TBC1D30: variants seen among roughly 807,000 people sequenced by gnomAD.
The protein encoded by TBC1D30 is TBC1 domain family member 30.
In TBC1D30, 31 loss-of-function variants were observed where a neutral mutation model predicts 63.2. The ratio of observed to expected loss-of-function variants is 0.49; its 90% confidence interval spans 0.37 to 0.66. TBC1D30 has a LOEUF of 0.66. Ranked by LOEUF, TBC1D30 falls within the 30% of genes least tolerant of loss-of-function variation. The pLI, the probability that TBC1D30 is intolerant of heterozygous loss-of-function variation, is 0.00. For missense variants in TBC1D30, 810 were observed against 953.6 expected, an observed-to-expected ratio of 0.85 and a Z score of 1.98; for synonymous variants, 307 against 361.5, an observed-to-expected ratio of 0.85 and a Z score of 1.71.
intron 2 of TBC1D30, among the ~76,000 whole-genome samples, chr12:64,809,244 GC>G (rs1040993338): frequency 3.5e-5 from 5 of 142,044 alleles, no homozygotes; most frequent in Admixed American, 1.4e-4. Flanking sequence ...TTTATCCTTT[GC>G]CCCCCTCCCA....
intron 11 of TBC1D30, among the ~76,000 whole-genome samples, 194 bp from the exon 12 acceptor site, chr12:64,874,807 C>T (rs1878916320): frequency 6.6e-6 from 1 of 152,194 alleles, no homozygotes; most frequent in African/African-American, 2.4e-5. Context: ...TAAAGAAGAG[C>T]GCATTGGTAT....
At chr12:64,856,209 T>C (rs374254911) in intron 8 of TBC1D30, among the ~76,000 whole-genome samples, 5 of 152,162 alleles carry the variant, frequency 3.3e-5, no homozygotes, top group African/African-American at 9.7e-5. Context: ...CAACCAGATC[T>C]TATGTGAACT....
chr12:64,880,088 T>C lies in TBC1D30; in HGVS notation c.*4300T>C, dbSNP rs1422585209. 2.0e-5 allele frequency: 3 copies of C among 152,184 alleles called. No homozygotes were observed. Among genetic ancestry groups the C allele is most frequent in the Non-Finnish European group, 4.4e-5 (3 of 68,032 alleles). 9.4% of individuals were successfully genotyped at this position (152,184 alleles called of 1,614,324 possible). A position where few individuals can be genotyped will look rare whatever the true frequency, so the allele number is the denominator to read the frequency against. On this transcript the variant is annotated 3_prime_UTR_variant, in exon 12 of 12. Coordinates refer to ENST00000539867, the MANE Select transcript of TBC1D30 (RefSeq NM_015279.2). Reference sequence around the variant, plus strand: ...GTATTTGGACCATTGAAGTGGGAGTTATCTGTTATCCACATCAGGCAGCTC... The same window carrying C: ...GTATTTGGACCATTGAAGTGGGAGTCATCTGTTATCCACATCAGGCAGCTC...
chr12:64,836,359 A>G (rs1875351015), intron 5 of TBC1D30, 131 bp from the exon 6 acceptor site: 2 of 659,388 alleles, frequency 3.0e-6, no homozygotes, highest in East Asian at 5.6e-5. Context: ...AACATTTGGT[A>G]CTGATGCATT....
chr12:64,843,034 G>T lies in TBC1D30; in HGVS notation c.933-346G>T, dbSNP rs1876024554. ...GCCCCCTGCCCTTTTTTGAGACAGG[G>T]TCTCACTGTGTTATCCAGGCTGGAT... On this transcript the variant is annotated intron_variant, in intron 7 of 11. Transcript: ENST00000539867. 2.6e-5 allele frequency among the ~76,000 whole-genome samples: 4 copies of T among 152,286 alleles called. 1 individual carries two copies. The highest frequency in any genetic ancestry group is 9.6e-5 in the African/African-American group (4 of 41,574).
chr12:64,874,569 C>A (rs1878896106), intron 11 of TBC1D30, among the ~76,000 whole-genome samples: 1 of 152,158 alleles, frequency 6.6e-6, no homozygotes, highest in East Asian at 1.9e-4. Context: ...GCAGTGTGTT[C>A]TTTTCCTACC....
At chr12:64,787,416 A>C (rs140552334) in intron 2 of TBC1D30, 497 of 974,860 alleles carry the variant, frequency 5.1e-4, no homozygotes, top group Non-Finnish European at 5.7e-4. Flanking sequence ...TGTTTTTGAT[A>C]AAATGCCTGT....
intron 5 of TBC1D30, among the ~76,000 whole-genome samples, chr12:64,832,879 T>C (rs549890988): frequency 3.7e-4 from 56 of 152,316 alleles, no homozygotes; most frequent in African/African-American, 1.3e-3. Flanking sequence ...CTCAACCCAG[T>C]GGCTGGCACC....
intron 8 of TBC1D30, among the ~76,000 whole-genome samples, chr12:64,844,486 G>A (rs1876183673): frequency 6.6e-6 from 1 of 152,134 alleles, no homozygotes; most frequent in African/African-American, 2.4e-5. Flanking sequence ...GGTAAATGGG[G>A]TATTCCTCCC....
intron 6 of TBC1D30, 58 bp from the exon 7 acceptor site, chr12:64,838,625 C>T: frequency 1.3e-6 from 2 of 1,500,208 alleles, no homozygotes; most frequent in South Asian, 1.2e-5. Flanking sequence ...AAAAGGGTAT[C>T]TGCATATGCT....
intron 5 of TBC1D30, 91 bp from the exon 6 acceptor site, chr12:64,836,399 T>G: frequency 9.5e-7 from 1 of 1,056,906 alleles, no homozygotes; most frequent in Non-Finnish European, 1.3e-6. Context: ...CTAACAGCGT[T>G]TTATCTATTT....
chr12:64,778,549 CTTTTTTTTTTTT>C (rs34519163), upstream of TBC1D30, among the ~76,000 whole-genome samples: 1 of 78,828 alleles, frequency 1.3e-5, no homozygotes, highest in Non-Finnish European at 2.3e-5. Context: ...ACAGAGAAGC[CTTTTTTTTTTTT>C]TTTTTTTTTT....
chr12:64,869,708 CT>C (rs1426734732), intron 10 of TBC1D30, among the ~76,000 whole-genome samples: 1 of 151,872 alleles, frequency 6.6e-6, no homozygotes, highest in Non-Finnish European at 1.5e-5. Flanking sequence ...ATTAGTCTTT[CT>C]TGTTGATTTT....
In TBC1D30 at chr12:64,875,198, C is replaced by T. The variant is rs769145241; in HGVS notation, c.1696C>T (p.Arg566Ter). The stretch of plus-strand genomic sequence containing the variant: ...TAAGACGAAGCTCAACTCCCCGTGG[C>T]GAACTCACATCCGAGTCCACAAAAA... ...DLKTKLNSPW[R>*]THIRVHKKNM... Residue 566 changes from arginine (R) to a stop codon, truncating the protein, a stop_gained, in exon 12 of 12, where the codon CGA (arginine) becomes TGA (stop). Coordinates refer to ENST00000539867, the MANE Select transcript of TBC1D30 (RefSeq NM_015279.2). LOFTEE classifies it low-confidence loss of function (END_TRUNC). The T allele has an allele frequency of 5.2e-6, 8 of 1,536,232 alleles. No individual in the cohort carries two copies. The highest frequency in any genetic ancestry group is 2.0e-5 in the Admixed American group (1 of 50,980).
At chr12:64,857,831 A>G (rs1327322007) in intron 8 of TBC1D30, among the ~76,000 whole-genome samples, 1 of 152,210 alleles carries the variant, frequency 6.6e-6, no homozygotes, top group African/African-American at 2.4e-5. Context: ...CTGTGTGTGA[A>G]TGCTGAGTGA....
chr12:64,863,145 G>A (rs1368163445), intron 8 of TBC1D30, among the ~76,000 whole-genome samples: 2 of 152,128 alleles, frequency 1.3e-5, no homozygotes, highest in Admixed American at 6.6e-5. Flanking sequence ...CATATAGGAT[G>A]TATTAAGAAT....
chr12:64,878,403 T>G lies in TBC1D30; in HGVS notation c.*2615T>G. On this transcript the variant is annotated 3_prime_UTR_variant, in exon 12 of 12. Transcript: ENST00000539867. ...ACTTAACAAGTAGTGGTTTCTTGAT[T>G]TTTAGATATGTCTGTAGCCTCTTAG... The G allele has an allele frequency of 2.2e-6, 1 of 456,204 alleles. No homozygotes were observed. The highest frequency in any genetic ancestry group is 4.4e-6 in the Non-Finnish European group (1 of 226,780). The allele number at this position is 456,204 out of a possible 1,614,324, so 28.3% of individuals were successfully genotyped here.
intron 2 of TBC1D30, among the ~76,000 whole-genome samples, chr12:64,813,075 A>T (rs555597313): frequency 6.6e-4 from 101 of 152,208 alleles, no homozygotes; most frequent in South Asian, 1.2e-3. Flanking sequence ...AAATGTTGTA[A>T]GGTAGGTTTA....
At position 64,788,781 on chromosome 12, in the gene TBC1D30, A is replaced by G. The variant is rs77214792; in HGVS notation, c.643+2736A>G. 7.6e-3 allele frequency among the ~76,000 whole-genome samples: 1,159 copies of G among 152,282 alleles called. 16 individuals carry two copies. Among genetic ancestry groups the G allele is most frequent in the African/African-American group, 0.026 (1,078 of 41,564 alleles). ...CTGAGAGTTCAATTCTCTCTTTGCTAATAAGACCCTATTCAATGGAACAGA... is the reference window on the plus strand; with the variant it reads ...CTGAGAGTTCAATTCTCTCTTTGCTGATAAGACCCTATTCAATGGAACAGA... On this transcript the variant is annotated intron_variant, in intron 2 of 12. Transcript: ENST00000542120.
Sources: gnomAD v4.1 joint callset for allele counts (sites outside exome capture counted in the v4.1 genomes callset) on GRCh38, gnomAD v4.1.1 for gene constraint, MANE v1.5 for transcripts, NCBI Gene and HGNC (gene_info 2026-07-23, HGNC 2026-07-21) for gene names.